The following PLXDC2 variants were observed in gnomAD, a reference collection of about 807,000 sequenced individuals.
PLXDC2 encodes plexin domain-containing protein 2.
A neutral mutation model predicts 68.9 loss-of-function variants in PLXDC2; 40 were observed. The ratio of observed to expected loss-of-function variants is 0.58; its 90% CI spans 0.45 to 0.76. The LOEUF (loss-of-function observed/expected upper bound fraction) is 0.76. Ranked by LOEUF, PLXDC2 falls within the 30% of genes least tolerant of loss-of-function variation. The pLI is 0.00. For missense variants in PLXDC2, 644 were observed against 661.9 expected (o/e 0.97, Z 0.30); for synonymous variants, 243 against 234.2 (o/e 1.04, Z -0.34).
In PLXDC2 at chr10:19,876,639, A is replaced by G. The variant is rs547256435; in HGVS notation, c.112+59448A>G. Among the ~76,000 whole-genome samples, 23 of 149,012 alleles carry G rather than the reference A, an allele frequency of 1.5e-4. No individual in the cohort carries two copies. In the East Asian group the frequency reaches 4.6e-3, roughly 30 times the overall value. On this transcript the variant is annotated intron_variant, in intron 1 of 13. Transcript: ENST00000377252. ...AAAAAAAAAAAAGAGAGAGAGAGAG[A>G]GAGAGAAACAAAGTATCACTACATC...
chr10:19,963,525 A>G (rs970848426), intron 1 of PLXDC2, among the ~76,000 whole-genome samples: 2 of 152,190 alleles, frequency 1.3e-5, no homozygotes, highest in African/African-American at 2.4e-5. Context: ...TGATGAATTC[A>G]TGTCCTTTGT....
At chr10:20,147,502 A>T (rs962910065) in intron 5 of PLXDC2, among the ~76,000 whole-genome samples, 1 of 152,176 alleles carries the variant, frequency 6.6e-6, no homozygotes, top group Non-Finnish European at 1.5e-5. Flanking sequence ...ATCTATTAAC[A>T]TTAATAAAAT....
chr10:20,080,779 A>G (rs1195458049), intron 4 of PLXDC2, among the ~76,000 whole-genome samples: 4 of 152,212 alleles, frequency 2.6e-5, no homozygotes, highest in African/African-American at 9.7e-5. Context: ...AGTTGACCCC[A>G]TCACACAAGG....
At chr10:19,872,645 G>C (rs1264206093) in intron 1 of PLXDC2, among the ~76,000 whole-genome samples, 1 of 152,134 alleles carries the variant, frequency 6.6e-6, no homozygotes, top group Non-Finnish European at 1.5e-5. Flanking sequence ...AGAGGGAGAG[G>C]GGTGTTAGCT....
chr10:19,838,271 A>C (rs1172326186), intron 1 of PLXDC2, among the ~76,000 whole-genome samples: 1 of 152,172 alleles, frequency 6.6e-6, no homozygotes, highest in East Asian at 1.9e-4. Context: ...CTAATATATA[A>C]CTTTAAAAAA....
rs780258841 is a variant in PLXDC2 at position 20,143,454 on chromosome 10, A to G, written c.664+37A>G. 5 of 1,608,540 alleles carry G rather than the reference A, an allele frequency of 3.1e-6. No homozygotes were observed. In the Admixed American group the frequency reaches 6.7e-5, roughly 22 times the overall value. On this transcript the variant is annotated intron_variant, in intron 5 of 13. Coordinates refer to ENST00000377252, the MANE Select transcript of PLXDC2 (RefSeq NM_032812.9). ...GTAGCCTATTTTTTGCTGCATGTAT[A>G]TTTTTAAACCTCAAGCATCAGATTC...
At position 20,157,675 on chromosome 10, in the gene PLXDC2, T is replaced by C. The variant is rs1834235075; in HGVS notation, c.784-6793T>C. 2.0e-5 allele frequency among the ~76,000 whole-genome samples: 3 copies of C among 152,172 alleles called. No individual in the cohort carries two copies. The South Asian group carries it at 6.2e-4, about 31-fold the overall frequency. On this transcript the variant is annotated intron_variant, in intron 6 of 13. Coordinates refer to ENST00000377252, the MANE Select transcript of PLXDC2 (RefSeq NM_032812.9). ...CCAGTGTGCTCTGCTCTACTATTTT[T>C]ACCCCTGACATCTTTTCCTGCCTTG...
At chr10:20,159,686 T>C (rs1395872842) in intron 6 of PLXDC2, among the ~76,000 whole-genome samples, 1 of 152,216 alleles carries the variant, frequency 6.6e-6, no homozygotes, top group Non-Finnish European at 1.5e-5. Flanking sequence ...CTCCCTATGA[T>C]CTGCCCCTAC....
rs930743669 is a variant in PLXDC2, at chr10:20,216,006, C to T, written c.1123-1420C>T. Among the ~76,000 whole-genome samples, 13 of 151,854 alleles carry T rather than the reference C, an allele frequency of 8.6e-5. No individual in the cohort carries two copies. The East Asian group carries it at 2.5e-3, about 30-fold the overall frequency. On this transcript the variant is annotated intron_variant, in intron 10 of 13. Coordinates refer to ENST00000377252, the MANE Select transcript of PLXDC2 (RefSeq NM_032812.9). The stretch of plus-strand genomic sequence containing the variant: ...GGATGCAGGAGATGTTTGTGGAGCC[C>T]CCATGGCGGGTCTGTGTGATTATTC...
At chr10:20,062,408 G>T (rs1340231576) in intron 3 of PLXDC2, among the ~76,000 whole-genome samples, 2 of 152,010 alleles carry the variant, frequency 1.3e-5, no homozygotes, top group Non-Finnish European at 2.9e-5. Flanking sequence ...TGGTGGCAGA[G>T]CGAGACTCCA....
intron 4 of PLXDC2, among the ~76,000 whole-genome samples, chr10:20,086,248 C>G (rs187457348): frequency 1.5e-3 from 227 of 152,244 alleles, no homozygotes; most frequent in Non-Finnish European, 2.5e-3. Flanking sequence ...CAGCCTCGAC[C>G]TCCTGGACTG....
chr10:19,998,642 A>G (rs535359523), intron 1 of PLXDC2, among the ~76,000 whole-genome samples: 1 of 152,266 alleles, frequency 6.6e-6, no homozygotes, highest in African/African-American at 2.4e-5. Context: ...GATCCTGTTT[A>G]CTCTTTGCAA....
intron 1 of PLXDC2, among the ~76,000 whole-genome samples, chr10:19,967,709 C>T (rs947226765): frequency 1.3e-5 from 2 of 152,114 alleles, no homozygotes; most frequent in Non-Finnish European, 2.9e-5. Context: ...GTCATGTCCA[C>T]CTTAGCAGCA....
intron 7 of PLXDC2, among the ~76,000 whole-genome samples, chr10:20,175,429 C>T (rs1311418661): frequency 6.6e-6 from 1 of 152,190 alleles, no homozygotes; most frequent in East Asian, 1.9e-4. Context: ...CACCTGTAAT[C>T]TCAACACTTT....
intron 12 of PLXDC2, among the ~76,000 whole-genome samples, chr10:20,220,494 TTTAC>T (rs1055266294): frequency 2.5e-4 from 38 of 152,206 alleles, no homozygotes; most frequent in African/African-American, 8.9e-4. Flanking sequence ...CCTTCCTTTC[TTTAC>T]TTCCTTCCCT....
In PLXDC2 at chr10:19,905,690, A is replaced by G. The variant is rs539680879; in HGVS notation, c.112+88499A>G. On this transcript the variant is annotated intron_variant, in intron 1 of 13. Transcript: ENST00000377252. ...CCCAATTATATTATGATTTAGAATAATTAGCTCCTTTTGAATACCCTAGAA... is the reference window on the plus strand; with the variant it reads ...CCCAATTATATTATGATTTAGAATAGTTAGCTCCTTTTGAATACCCTAGAA... 5.9e-5 allele frequency among the ~76,000 whole-genome samples: 9 copies of G among 152,344 alleles called. No homozygotes were observed. In the East Asian group the frequency reaches 1.7e-3, roughly 29 times the overall value.
intron 1 of PLXDC2, among the ~76,000 whole-genome samples, chr10:19,912,226 C>A (rs1833286426): frequency 6.6e-6 from 1 of 152,020 alleles, no homozygotes; most frequent in Non-Finnish European, 1.5e-5. Context: ...GCCTGTTTTT[C>A]TATAAGCCAG....
intron 4 of PLXDC2, among the ~76,000 whole-genome samples, chr10:20,102,981 A>C (rs143037691): frequency 4.2e-4 from 64 of 152,334 alleles, no homozygotes; most frequent in African/African-American, 1.5e-3. Context: ...ACTGAGAAAC[A>C]GCAGCCAATG....
At chr10:19,858,252 A>G (rs901923349) in intron 1 of PLXDC2, among the ~76,000 whole-genome samples, 2 of 152,092 alleles carry the variant, frequency 1.3e-5, no homozygotes, top group Admixed American at 1.3e-4. Context: ...CATTCTTTCT[A>G]TGCTCATTTA....
Sources: gnomAD v4.1 joint callset for allele counts (sites outside exome capture counted in the v4.1 genomes callset) on GRCh38, gnomAD v4.1.1 for gene constraint, MANE v1.5 for transcripts, NCBI Gene and HGNC (gene_info 2026-07-23, HGNC 2026-07-21) for gene names.